IGLON5: variants seen among roughly 807,000 people sequenced by gnomAD.
IGLON5 encodes the protein IgLON family member 5.
A neutral mutation model predicts 38.2 loss-of-function variants in IGLON5; 16 were observed. That is an observed-to-expected ratio of 0.42 (90% CI 0.28 to 0.64). The LOEUF (loss-of-function observed/expected upper bound fraction) is 0.64. Ranked by LOEUF, IGLON5 falls within the 30% of genes least tolerant of loss-of-function variation. IGLON5 has a pLI of 0.23. For missense variants in IGLON5, 366 were observed against 483.4 expected (o/e 0.76, Z 2.28); for synonymous variants, 207 against 216.4 (o/e 0.96, Z 0.38).
At position 51,311,879 on chromosome 19, in the gene IGLON5, G is replaced by A. The variant is rs891381716; in HGVS notation, c.32G>A (p.Arg11Gln). 36 of 1,350,946 alleles carry A rather than the reference G, an allele frequency of 2.7e-5. No homozygotes were observed. In the African/African-American group the frequency reaches 4.3e-4, roughly 16 times the overall value. The allele number at this position is 1,350,946 out of a possible 1,614,324, so 83.7% of individuals were successfully genotyped here. ...CCCCCTGCGCCCGGGGCCCGGCTCC[G>A]GCTTCTCGCCGCCGCCGCCCTGGCC... MPPPAPGARL[R>Q]LLAAAALAGL... Residue 11 changes from arginine to glutamine, a missense_variant, in exon 1 of 8, where the codon CGG (arginine) becomes CAG (glutamine). Coordinates refer to ENST00000270642, the MANE Select transcript of IGLON5 (RefSeq NM_001101372.3).
At chr19:51,316,001 A>C (rs1464822265) in intron 1 of IGLON5, among the ~76,000 whole-genome samples, 1 of 151,440 alleles carries the variant, frequency 6.6e-6, no homozygotes, top group Non-Finnish European at 1.5e-5. Flanking sequence ...GCCGGAAGTC[A>C]ACCTTTCAAA....
rs1021480252 is a variant in IGLON5, at chr19:51,330,578, G to T, written c.*1819G>T. Among the ~76,000 whole-genome samples the T allele has an allele frequency of 6.6e-6, 1 of 152,146 alleles. No individual in the cohort carries two copies. The highest frequency in any genetic ancestry group is 1.5e-5 in the Non-Finnish European group (1 of 68,026). ...AGAGATGGGCACATGACCCAGTAAG[G>T]CTAATGAGAAAGTGAATGGATTCCC... On this transcript the variant is annotated 3_prime_UTR_variant, in exon 8 of 8. Transcript: ENST00000270642.
Position 51,323,825 on chromosome 19 carries a change from G to C in IGLON5, c.322G>C (p.Gly108Arg). 1 of 1,613,762 alleles carries C rather than the reference G, an allele frequency of 6.2e-7. No homozygotes were observed. The highest frequency in any genetic ancestry group is 8.5e-7 in the Non-Finnish European group (1 of 1,179,844). The change falls in exon 3 of 8, where the codon GGC (glycine) becomes CGC (arginine). Residue 108 changes from glycine (G) to arginine (R), a missense_variant. By Grantham distance (125) the Gly-to-Arg change is moderately radical (BLOSUM62 -2). Transcript: ENST00000270642. Reference sequence around the variant, plus strand: ...CACCGAGGTGGGGCTCGGCGACGAGGGCCTCTACACCTGCTCCTTCCAGAC... The same window carrying C: ...CACCGAGGTGGGGCTCGGCGACGAGCGCCTCTACACCTGCTCCTTCCAGAC... ...LITEVGLGDE[G>R]LYTCSFQTRH...
At chr19:51,317,540 C>T (rs1018604482) in intron 1 of IGLON5, among the ~76,000 whole-genome samples, 35 of 152,164 alleles carry the variant, frequency 2.3e-4, no homozygotes, top group African/African-American at 8.2e-4. Flanking sequence ...CCTGGTTATG[C>T]AAGGTTGGCT....
intron 2 of IGLON5, 35 bp downstream of exon 2, chr19:51,322,177 T>G (rs763891926): frequency 2.6e-6 from 4 of 1,533,558 alleles, no homozygotes; most frequent in Non-Finnish European, 3.6e-6. Context: ...TCAGATCTCA[T>G]GGAGCCATGC....
intron 1 of IGLON5, among the ~76,000 whole-genome samples, chr19:51,319,320 T>C (rs1449124398): frequency 6.6e-6 from 1 of 152,020 alleles, no homozygotes; most frequent in Non-Finnish European, 1.5e-5. Context: ...TGTGTGTGTG[T>C]GTGTGTGCGT....
At chr19:51,313,653 T>C (rs1446001232) in intron 1 of IGLON5, among the ~76,000 whole-genome samples, 1 of 72,790 alleles carries the variant, frequency 1.4e-5, no homozygotes, top group African/African-American at 7.8e-5. Flanking sequence ...CTCTTTTTCT[T>C]TCTTTCTTTC....
chr19:51,320,335 C>T (rs1398574472), intron 1 of IGLON5, among the ~76,000 whole-genome samples: 2 of 152,192 alleles, frequency 1.3e-5, no homozygotes, highest in East Asian at 1.9e-4. Flanking sequence ...TGGGGCAGCA[C>T]GGGCCATTAA....
chr19:51,326,904 C>T lies in IGLON5; in HGVS notation c.646+6C>T, dbSNP rs1275071252. The T allele has an allele frequency of 1.3e-6, 2 of 1,569,304 alleles. No homozygotes were observed. The highest frequency in any genetic ancestry group is 1.9e-5 in the Admixed American group (1 of 53,142). ...CGTGCTGGTCACAGTCAACTGTGAG[C>T]CCCCCTGGCACTGGGCACGAAAGGG... On this transcript the variant is annotated splice_donor_region_variant and intron_variant, in intron 5 of 7. Coordinates refer to ENST00000270642, the MANE Select transcript of IGLON5 (RefSeq NM_001101372.3).
chr19:51,322,723 C>T (rs148641409), intron 2 of IGLON5, among the ~76,000 whole-genome samples: 3 of 144,480 alleles, frequency 2.1e-5, no homozygotes, highest in Non-Finnish European at 4.5e-5. Context: ...CTGTCCCTCT[C>T]TGCTGGATCT....
intron 1 of IGLON5, among the ~76,000 whole-genome samples, chr19:51,312,273 C>T (rs1984785240): frequency 6.8e-6 from 1 of 146,036 alleles, no homozygotes; most frequent in Admixed American, 6.9e-5. Context: ...ACACTGGACT[C>T]GGGGTCCCCG....
rs1985144395 is a variant in IGLON5 at position 51,323,812 on chromosome 19, G to A, written c.309G>A (p.Gly103=). The part of the protein sequence containing the change: ...EEFSILITEV[G]LGDEGLYTCS... ...TCTCCATCCTCATCACCGAGGTGGG[G>A]CTCGGCGACGAGGGCCTCTACACCT... Residue 103 remains glycine (G), a synonymous_variant, in exon 3 of 8, where the codon GGG becomes GGA. Transcript: ENST00000270642. 6.2e-7 allele frequency: 1 copy of A among 1,613,490 alleles called. No individual in the cohort carries two copies. Among genetic ancestry groups the A allele is most frequent in the African/African-American group, 1.3e-5 (1 of 74,864 alleles).
chr19:51,313,668 TTTCTTTCTTTCTTTCTTTCTTTCTTTC>T lies in IGLON5; in HGVS notation c.79+1752_79+1778del, dbSNP rs796798116. On this transcript the variant is annotated intron_variant, in intron 1 of 7. Coordinates refer to ENST00000270642, the MANE Select transcript of IGLON5 (RefSeq NM_001101372.3). ...CTCTTTTTCTTTCTTTCTTTCTTTCTTTCTTTCTTTCTTTCTTTCTTTCTTTCTTCTTTCTTCTCTTTTTTTCTTTCT... is the reference window on the plus strand; with the variant it reads ...CTCTTTTTCTTTCTTTCTTTCTTTCTTTCTTTCTTCTCTTTTTTTCTTTCT... Among the ~76,000 whole-genome samples, 371 of 83,172 alleles carry T rather than the reference TTTCTTTCTTTCTTTCTTTCTTTCTTTC, an allele frequency of 4.5e-3. 11 individuals are homozygous for T. Among genetic ancestry groups the T allele is most frequent in the African/African-American group, 0.021 (315 of 15,036 alleles). 54.6% of individuals were successfully genotyped at this position (83,172 alleles called of 152,430 possible). A position where few individuals can be genotyped will look rare whatever the true frequency, so the allele number is the denominator to read the frequency against.
Position 51,311,995 on chromosome 19 carries a change from A to C in IGLON5, c.79+69A>C, listed in dbSNP as rs372632365. 5,823 of 721,524 alleles carry C rather than the reference A, an allele frequency of 8.1e-3. 66 individuals carry two copies. The highest frequency in any genetic ancestry group is 0.037 in the African/African-American group (1,985 of 53,006). The allele number at this position is 721,524 out of a possible 1,614,324, so 44.7% of individuals were successfully genotyped here. On this transcript the variant is annotated intron_variant, in intron 1 of 7. Transcript: ENST00000270642. ...GTCTTGGGTGGGTAATCGGGGGATC[A>C]GGGGTGGGGGTCGAGGGCTGCATCC...
At position 51,328,703 on chromosome 19, in the gene IGLON5, C is replaced by G; in HGVS notation, c.955C>G (p.Pro319Ala). 2.7e-5 allele frequency: 43 copies of G among 1,597,188 alleles called. No individual in the cohort carries two copies. Among genetic ancestry groups the G allele is most frequent in the Non-Finnish European group, 3.6e-5 (42 of 1,171,914 alleles). ...ATCCCTGGAGAACTCAGCCCCGAGG[C>G]CCCCAGGGCTCCTGGCCCTCCTCTC... ...PGSLENSAPR[P>A]PGLLALLSAL... is the part of the protein sequence containing the mutation. Residue 319 changes from proline to alanine, a missense_variant, in exon 8 of 8, where the codon CCC becomes GCC. Transcript: ENST00000270642.
In IGLON5 at chr19:51,325,911, CA is replaced by C. The variant is rs564214946; in HGVS notation, c.511+447del. 9.2e-5 allele frequency among the ~76,000 whole-genome samples: 14 copies of C among 152,266 alleles called. 1 individual carries two copies. The South Asian group carries it at 2.9e-3, about 32-fold the overall frequency. On this transcript the variant is annotated intron_variant, in intron 4 of 7. Transcript: ENST00000270642. This position sits in a 1 kb window ranked among gnomAD's most constrained non-coding sequence, Gnocchi z 5.5. ...GTGGGCCCCAGACCCGAAGCATCAG[CA>C]TACCTTGGGAACTTGCCAGGAATGC...
In IGLON5 at chr19:51,323,824, G is replaced by C; in HGVS notation, c.321G>C (p.Glu107Asp). 1 of 1,613,436 alleles carries C rather than the reference G, an allele frequency of 6.2e-7. No homozygotes were observed. The highest frequency in any genetic ancestry group is 8.5e-7 in the Non-Finnish European group (1 of 1,179,646). ...TCACCGAGGTGGGGCTCGGCGACGA[G>C]GGCCTCTACACCTGCTCCTTCCAGA... is the stretch of plus-strand genomic sequence containing the variant. ...ILITEVGLGD[E>D]GLYTCSFQTR... The change falls in exon 3 of 8, where the codon GAG (glutamate) becomes GAC (aspartate). Residue 107 changes from glutamate (E) to aspartate (D), a missense_variant. Coordinates refer to ENST00000270642, the MANE Select transcript of IGLON5 (RefSeq NM_001101372.3).
At position 51,312,065 on chromosome 19, in the gene IGLON5, G is replaced by A. The variant is rs188633290; in HGVS notation, c.79+139G>A. The A allele has an allele frequency of 4.4e-3, 1,782 of 402,816 alleles. 31 individuals are homozygous for A. Among genetic ancestry groups the A allele is most frequent in the African/African-American group, 0.033 (1,578 of 47,414 alleles). 25.0% of individuals were successfully genotyped at this position (402,816 alleles called of 1,614,324 possible). A position where few individuals can be genotyped will look rare whatever the true frequency, so the allele number is the denominator to read the frequency against. ...CCCCGGGACGCCGGGGTCTGGGCCC[G>A]GGGGTGGGGTCTGCATTCCCTGGCT... On this transcript the variant is annotated intron_variant, in intron 1 of 7. Transcript: ENST00000270642.
rs1305227783 is a variant in IGLON5 at position 51,327,935 on chromosome 19, C to A, written c.922+49C>A. On this transcript the variant is annotated intron_variant, in intron 7 of 7. Transcript: ENST00000270642. This position sits in a 1 kb window ranked among gnomAD's most constrained non-coding sequence, Gnocchi z 7.1. ...CCGGGAAGGTGGGCGGGGCCGGGGG[C>A]GGGGCTAGGGAAGTGGAGACGCCGG... is the stretch of plus-strand genomic sequence containing the variant. 1 of 1,378,584 alleles carries A rather than the reference C, an allele frequency of 7.3e-7. No homozygotes were observed. 85.4% of individuals were successfully genotyped at this position (1,378,584 alleles called of 1,614,324 possible). A position where few individuals can be genotyped will look rare whatever the true frequency, so the allele number is the denominator to read the frequency against.
Sources: gnomAD v4.1 joint callset for allele counts (sites outside exome capture counted in the v4.1 genomes callset) on GRCh38, gnomAD v4.1.1 for gene constraint, Gnocchi (gnomAD v3.1) non-coding constraint, MANE v1.5 for transcripts, NCBI Gene and HGNC (gene_info 2026-07-23, HGNC 2026-07-21) for gene names.